Variants in BAG5 observed in about 807,000 individuals in gnomAD.
BAG5 encodes the protein BAG family molecular chaperone regulator 5.
BAG5 carries 25 observed loss-of-function variants against 31.8 expected under a neutral mutation model. The ratio of observed to expected loss-of-function variants is 0.79; its 90% CI spans 0.57 to 1.10. The LOEUF is 1.10. Ranked by LOEUF, BAG5 falls within the 50% of genes least tolerant of loss-of-function variation. BAG5 has a pLI of 0.00. For missense variants in BAG5, 491 were observed against 527.9 expected (o/e 0.93, Z 0.68); for synonymous variants, 208 against 205.0 (o/e 1.01, Z -0.13).
rs1566973322 is a variant in BAG5 at position 103,561,118 on chromosome 14, A to G, written c.47T>C (p.Ile16Thr). ...QHPSISRLQE[I>T]QKEVKSVEQQ... ...TTCTACACTTTTTACTTCCTTTTGG[A>G]TTTCCTGAAGCCTACTAATAGAAGG... The change falls in exon 2 of 2, where the codon ATC (isoleucine) becomes ACC (threonine). Residue 16 changes from isoleucine to threonine, a missense_variant. Physicochemically the swap from Ile to Thr is moderately conservative, Grantham distance 89 (BLOSUM62 -1). Transcript: ENST00000299204. 1.2e-6 allele frequency: 2 copies of G among 1,603,314 alleles called. No homozygotes were observed. Among genetic ancestry groups the G allele is most frequent in the East Asian group, 2.2e-5 (1 of 44,896 alleles).
chr14:103,561,703 C>T (rs1453780673), intron 1 of BAG5: 1 of 556,530 alleles, frequency 1.8e-6, no homozygotes, highest in East Asian at 3.0e-5. Context: ...CCCCTCCCCA[C>T]CCTTTTAGCT....
chr14:103,561,933 T>G (rs7148456), intron 1 of BAG5: 1 of 1,610,378 alleles, frequency 6.2e-7, no homozygotes, highest in African/African-American at 1.3e-5. Context: ...GAGTCCACAA[T>G]GGCCTAATGC....
chr14:103,560,416 T>A lies in BAG5; in HGVS notation c.749A>T (p.Asn250Ile), dbSNP rs972727028. ...CAAATCCAGATATTTCAATAATTTG[T>A]TGATATCTTCTACTACCTCCCTCCG... is the stretch of plus-strand genomic sequence containing the variant. ...NYRREVVEDI[N>I]KLLKYLDLEE... Residue 250 changes from asparagine to isoleucine, a missense_variant, in exon 2 of 2, where the codon AAC becomes ATC. By Grantham distance (149) the Asn-to-Ile change is moderately radical. Coordinates refer to ENST00000299204, the MANE Select transcript of BAG5 (RefSeq NM_001015048.3). The A allele has an allele frequency of 6.2e-7, 1 of 1,614,184 alleles. No individual in the cohort carries two copies. The highest frequency in any genetic ancestry group is 8.5e-7 in the Non-Finnish European group (1 of 1,180,034).
In BAG5 at chr14:103,556,895, C is replaced by G. The variant is rs755383712; in HGVS notation, c.*2926G>C. The G allele has an allele frequency of 5.3e-5, 8 of 152,242 alleles. No individual in the cohort carries two copies. In the South Asian group the frequency reaches 6.2e-4, roughly 12 times the overall value. 9.4% of individuals were successfully genotyped at this position (152,242 alleles called of 1,614,324 possible). On this transcript the variant is annotated 3_prime_UTR_variant, in exon 2 of 2. Coordinates refer to ENST00000299204, the MANE Select transcript of BAG5 (RefSeq NM_001015048.3). ...GACAAAGTCAAACAAAGGAGAAAAA[C>G]TAGCTGAACTTCTCAAACTAAATTA...
Position 103,560,376 on chromosome 14 carries a change from G to T in BAG5, c.789C>A (p.Asp263Glu). 6.2e-7 allele frequency: 1 copy of T among 1,614,080 alleles called. No individual in the cohort carries two copies. The highest frequency in any genetic ancestry group is 8.5e-7 in the Non-Finnish European group (1 of 1,180,010). Residue 263 changes from aspartate (D) to glutamate (E), a missense_variant, in exon 2 of 2, where the codon GAC (aspartate) becomes GAA (glutamate). Asp to Glu is a conservative substitution (Grantham distance 45, BLOSUM62 2). Transcript: ENST00000299204. The stretch of plus-strand genomic sequence containing the variant: ...GTCTCAGGTCAAATGCTTTAGTTGT[G>T]TCTGCTTCCTCTTCCAAATCCAGAT... ...LKYLDLEEEA[D>E]TTKAFDLRQN...
chr14:103,561,977 C>A (rs768029686), intron 1 of BAG5: 1 of 1,614,050 alleles, frequency 6.2e-7, no homozygotes, highest in South Asian at 1.1e-5. Context: ...TCAAACGGCT[C>A]GCTCAAGGTG....
In BAG5 at chr14:103,560,844, C is replaced by G. The variant is rs765048453; in HGVS notation, c.321G>C (p.Glu107Asp). ...IFEEAQSLVR[E>D]KIVPFYNGGN... ...CTCCATTATAAAATGGCACAATTTT[C>G]TCTCTCACGAGGGACTGGGCTTCCT... Residue 107 changes from glutamate (E) to aspartate (D), a missense_variant, in exon 2 of 2, where the codon GAG becomes GAC. Coordinates refer to ENST00000299204, the MANE Select transcript of BAG5 (RefSeq NM_001015048.3). The G allele has an allele frequency of 1.9e-6, 3 of 1,614,078 alleles. No individual in the cohort carries two copies. Among genetic ancestry groups the G allele is most frequent in the Non-Finnish European group, 2.5e-6 (3 of 1,180,030 alleles).
At chr14:103,561,357 G>A (rs1344314970) in intron 1 of BAG5, among the ~76,000 whole-genome samples, 165 bp from the exon 2 acceptor site, 1 of 152,078 alleles carries the variant, frequency 6.6e-6, no homozygotes, top group Non-Finnish European at 1.5e-5. Flanking sequence ...ACACCACTAC[G>A]CCCAGCTAAT....
rs1374579561 is a variant in BAG5 at position 103,560,322 on chromosome 14, C to A, written c.843G>T (p.Lys281Asn). The stretch of plus-strand genomic sequence containing the variant: ...TTATTTCTCTCATTCTCTTGAGGAC[C>A]TTTTCTATTTTTAAAATGGAATGAT... The part of the protein sequence containing the change: ...RQNHSILKIE[K>N]VLKRMREIKN... Residue 281 changes from lysine (K) to asparagine (N), a missense_variant, in exon 2 of 2, where the codon AAG becomes AAT. Transcript: ENST00000299204. 3 of 1,614,040 alleles carry A rather than the reference C, an allele frequency of 1.9e-6. No homozygotes were observed. Among genetic ancestry groups the A allele is most frequent in the Non-Finnish European group, 2.5e-6 (3 of 1,180,012 alleles).
chr14:103,561,680 C>T (rs1158164561), intron 1 of BAG5: 1 of 529,180 alleles, frequency 1.9e-6, no homozygotes, highest in Non-Finnish European at 3.4e-6. Flanking sequence ...TCTCTCCATC[C>T]CTTTGTGCAC....
At chr14:103,561,551 T>A (rs1050967372) in intron 1 of BAG5, among the ~76,000 whole-genome samples, 1 of 152,080 alleles carries the variant, frequency 6.6e-6, no homozygotes, top group Non-Finnish European at 1.5e-5. Context: ...TTCCGAACAC[T>A]AACAGTACCC....
Position 103,560,794 on chromosome 14 carries a change from T to A in BAG5, c.371A>T (p.Glu124Val). 6.2e-7 allele frequency: 1 copy of A among 1,614,100 alleles called. No individual in the cohort carries two copies. The highest frequency in any genetic ancestry group is 8.5e-7 in the Non-Finnish European group (1 of 1,180,022). Reference sequence around the variant, plus strand: ...CAGAATGATATCTTGGATGCCTTCTTCAAACTCATCAGTTACGCAGTTGCC... The same window carrying A: ...CAGAATGATATCTTGGATGCCTTCTACAAACTCATCAGTTACGCAGTTGCC... ...NGGNCVTDEF[E>V]EGIQDIILRL... The change falls in exon 2 of 2, where the codon GAA becomes GTA. Residue 124 changes from glutamate (E) to valine (V), a missense_variant. Coordinates refer to ENST00000299204, the MANE Select transcript of BAG5 (RefSeq NM_001015048.3).
In BAG5 at chr14:103,562,623, G is replaced by T. The variant is rs970612695; in HGVS notation, c.-36C>A. On this transcript the variant is annotated 5_prime_UTR_variant, in exon 1 of 2. Transcript: ENST00000299204. The stretch of plus-strand genomic sequence containing the variant: ...AAGCCGCGCTTCGCTCACCTGTCCC[G>T]CCCGCGCCATCGCGCGATGCGTCGC... The T allele has an allele frequency of 1.6e-5, 3 of 186,310 alleles. No homozygotes were observed. The highest frequency in any genetic ancestry group is 3.3e-5 in the Non-Finnish European group (3 of 90,856). 11.5% of individuals were successfully genotyped at this position (186,310 alleles called of 1,614,324 possible).
chr14:103,559,400 CTTGTGT>C lies in BAG5; in HGVS notation c.*415_*420del, dbSNP rs1044292328. ...GCATAATGAAACAGAACATGTACTG[CTTGTGT>C]TTGAACCTTACTCTTATTTAACCAA... On this transcript the variant is annotated 3_prime_UTR_variant, in exon 2 of 2. Transcript: ENST00000299204. 1.7e-4 allele frequency: 30 copies of C among 172,432 alleles called. 1 individual carries two copies. Among genetic ancestry groups the C allele is most frequent in the Admixed American group, 4.9e-4 (9 of 18,186 alleles). The allele number at this position is 172,432 out of a possible 1,614,324, so 10.7% of individuals were successfully genotyped here.
In BAG5 at chr14:103,560,613, G is replaced by A; in HGVS notation, c.552C>T (p.Ala184=). 6.2e-7 allele frequency: 1 copy of A among 1,614,164 alleles called. No individual in the cohort carries two copies. Among genetic ancestry groups the A allele is most frequent in the East Asian group, 2.2e-5 (1 of 44,888 alleles). Residue 184 remains alanine (A), a synonymous_variant, in exon 2 of 2, where the codon GCC becomes GCT. Coordinates refer to ENST00000299204, the MANE Select transcript of BAG5 (RefSeq NM_001015048.3). The part of the protein sequence containing the change: ...PLSEDAHPSV[A]KINFVMCEVN... ...CCTCACACATCACGAAGTTGATTTT[G>A]GCAACGGAAGGATGTGCATCCTCGG...
In BAG5 at chr14:103,560,613, G is replaced by C. The variant is rs774897735; in HGVS notation, c.552C>G (p.Ala184=). ...PLSEDAHPSV[A]KINFVMCEVN... Reference sequence around the variant, plus strand: ...CCTCACACATCACGAAGTTGATTTTGGCAACGGAAGGATGTGCATCCTCGG... The same window carrying C: ...CCTCACACATCACGAAGTTGATTTTCGCAACGGAAGGATGTGCATCCTCGG... Residue 184 remains alanine, a synonymous_variant, in exon 2 of 2, where the codon GCC becomes GCG. Coordinates refer to ENST00000299204, the MANE Select transcript of BAG5 (RefSeq NM_001015048.3). The C allele has an allele frequency of 1.2e-5, 20 of 1,614,164 alleles. No individual in the cohort carries two copies. The Admixed American group carries it at 3.0e-4, about 24-fold the overall frequency.
chr14:103,561,649 C>T, intron 1 of BAG5: 1 of 479,036 alleles, frequency 2.1e-6, no homozygotes. Flanking sequence ...CAGACATCCC[C>T]AAGGTCCCCG....
rs772819438 is a variant in BAG5, at chr14:103,560,811, G to A, written c.354C>T (p.Cys118=). ...TGCCTTCTTCAAACTCATCAGTTAC[G>A]CAGTTGCCTCCATTATAAAATGGCA... ...KIVPFYNGGN[C]VTDEFEEGIQ... is the part of the protein sequence containing the mutation. Residue 118 remains cysteine, a synonymous_variant, in exon 2 of 2, where the codon TGC becomes TGT. Coordinates refer to ENST00000299204, the MANE Select transcript of BAG5 (RefSeq NM_001015048.3). 1.7e-5 allele frequency: 28 copies of A among 1,613,886 alleles called. No individual in the cohort carries two copies. The Admixed American group carries it at 2.2e-4, about 12-fold the overall frequency.
Position 103,557,725 on chromosome 14 carries a change from G to A in BAG5, c.*2096C>T, listed in dbSNP as rs1335438375. 6.6e-6 allele frequency: 1 copy of A among 152,116 alleles called. No individual in the cohort carries two copies. The highest frequency in any genetic ancestry group is 1.5e-5 in the Non-Finnish European group (1 of 68,032). The allele number at this position is 152,116 out of a possible 1,614,324, so 9.4% of individuals were successfully genotyped here. On this transcript the variant is annotated 3_prime_UTR_variant, in exon 2 of 2. Coordinates refer to ENST00000299204, the MANE Select transcript of BAG5 (RefSeq NM_001015048.3). Reference sequence around the variant, plus strand: ...AAACTCTTCCTGGGCTGGGCGCCGTGGCTCACACCCGTTAATCCCAGCACT... The same window carrying A: ...AAACTCTTCCTGGGCTGGGCGCCGTAGCTCACACCCGTTAATCCCAGCACT...
Sources: allele counts gnomAD v4.1 joint callset (sites outside exome capture counted in the v4.1 genomes callset), GRCh38; gene constraint gnomAD v4.1.1; transcripts MANE v1.5; gene names NCBI Gene and HGNC (gene_info 2026-07-23, HGNC 2026-07-21).